ADAMTS12: variants seen among roughly 807,000 people sequenced by gnomAD.
The protein encoded by ADAMTS12 is A disintegrin and metalloproteinase with thrombospondin motifs 12.
ADAMTS12 carries 118 observed loss-of-function variants against 167.8 expected under a neutral mutation model. That is an observed-to-expected ratio of 0.70 (90% CI 0.61 to 0.82). ADAMTS12 has a LOEUF of 0.82. Ranked by LOEUF, ADAMTS12 falls within the 40% of genes least tolerant of loss-of-function variation. The pLI is 0.00. For synonymous variants in ADAMTS12, 704 were observed against 716.9 expected (o/e 0.98, Z 0.29); for missense variants, 1,916 against 1,998.8 (o/e 0.96, Z 0.79).
At chr5:33,612,992 T>G (rs1372098172) in intron 16 of ADAMTS12, among the ~76,000 whole-genome samples, 4 of 152,226 alleles carry the variant, frequency 2.6e-5, no homozygotes, top group African/African-American at 9.7e-5. Flanking sequence ...AAAAATTGTT[T>G]ATAAGGTTGA....
At chr5:33,823,144 C>G (rs1026206425) in intron 2 of ADAMTS12, among the ~76,000 whole-genome samples, 1 of 151,716 alleles carries the variant, frequency 6.6e-6, no homozygotes, top group Admixed American at 6.6e-5. Flanking sequence ...AATACAAAGC[C>G]CTCCTTTGGA....
At chr5:33,890,558 G>A (rs1561332186) in intron 1 of ADAMTS12, among the ~76,000 whole-genome samples, 1 of 152,140 alleles carries the variant, frequency 6.6e-6, no homozygotes, top group African/African-American at 2.4e-5. Context: ...AGGACAGGCT[G>A]GTGATGTTTA....
intron 2 of ADAMTS12, among the ~76,000 whole-genome samples, chr5:33,806,576 T>TC (rs1747237930): frequency 6.6e-6 from 1 of 150,470 alleles, no homozygotes; most frequent in African/African-American, 2.5e-5. Flanking sequence ...ATGCTGACAC[T>TC]CCCCTTCTCC....
chr5:33,839,781 C>T (rs927787274), intron 2 of ADAMTS12, among the ~76,000 whole-genome samples: 1 of 152,188 alleles, frequency 6.6e-6, no homozygotes, highest in Non-Finnish European at 1.5e-5. Flanking sequence ...GCAAGCAATA[C>T]AAACATTAGC....
chr5:33,599,131 A>G (rs1015819426), intron 16 of ADAMTS12, among the ~76,000 whole-genome samples: 15 of 152,224 alleles, frequency 9.9e-5, no homozygotes, highest in African/African-American at 3.1e-4. Flanking sequence ...CCAAAGTGCC[A>G]AACACAGTGG....
In ADAMTS12 at chr5:33,524,875, G is replaced by A. The variant is rs1221952852; in HGVS notation, c.*2313C>T. ...GAAAAAGACCTAGAATGGAGCACCT[G>A]GCCAAACTCTCTCCACATGTCTACC... On this transcript the variant is annotated 3_prime_UTR_variant, in exon 24 of 24. Coordinates refer to ENST00000504830, the MANE Select transcript of ADAMTS12 (RefSeq NM_030955.4). The A allele has an allele frequency of 2.6e-5, 4 of 152,174 alleles. No homozygotes were observed. Among genetic ancestry groups the A allele is most frequent in the Admixed American group, 2.6e-4 (4 of 15,278 alleles). The allele number at this position is 152,174 out of a possible 1,614,324, so 9.4% of individuals were successfully genotyped here.
At chr5:33,629,690 G>T (rs568085135) in intron 13 of ADAMTS12, among the ~76,000 whole-genome samples, 1 of 152,236 alleles carries the variant, frequency 6.6e-6, no homozygotes, top group East Asian at 1.9e-4. Flanking sequence ...CCTTGGATTG[G>T]CGTCACCCTT....
intron 5 of ADAMTS12, among the ~76,000 whole-genome samples, chr5:33,673,427 G>A (rs1402582003): frequency 6.6e-6 from 1 of 152,010 alleles, no homozygotes; most frequent in African/African-American, 2.4e-5. Context: ...TGCCTTCTGT[G>A]GTTGCAGGAA....
chr5:33,678,785 T>C (rs1466328762), intron 5 of ADAMTS12, among the ~76,000 whole-genome samples: 1 of 152,158 alleles, frequency 6.6e-6, no homozygotes, highest in Non-Finnish European at 1.5e-5. Flanking sequence ...CAGAGTACCA[T>C]TTTCAGATTA....
intron 3 of ADAMTS12, among the ~76,000 whole-genome samples, chr5:33,731,744 A>G (rs1009901298): frequency 9.2e-5 from 14 of 152,212 alleles, no homozygotes; most frequent in African/African-American, 3.1e-4. Flanking sequence ...GAGGCTGTCC[A>G]CTAGAGAGAT....
chr5:33,558,036 C>G (rs887964458), intron 20 of ADAMTS12, among the ~76,000 whole-genome samples: 82 of 151,792 alleles, frequency 5.4e-4, no homozygotes, highest in African/African-American at 2.0e-3. Flanking sequence ...GCTCAGGGCT[C>G]CCACTGATTC....
chr5:33,570,264 T>C (rs375522757), intron 19 of ADAMTS12, among the ~76,000 whole-genome samples: 1 of 152,050 alleles, frequency 6.6e-6, no homozygotes, highest in African/African-American at 2.4e-5. Context: ...AGATACTCCT[T>C]GAGAAGAGCA....
chr5:33,796,379 C>A (rs1442583796), intron 2 of ADAMTS12, among the ~76,000 whole-genome samples: 1 of 152,228 alleles, frequency 6.6e-6, no homozygotes, highest in South Asian at 2.1e-4. Flanking sequence ...AATTACAGAA[C>A]ACAGTATGAC....
At chr5:33,646,202 C>A (rs1437827612) in intron 9 of ADAMTS12, among the ~76,000 whole-genome samples, 2 of 152,134 alleles carry the variant, frequency 1.3e-5, no homozygotes, top group Admixed American at 6.6e-5. Context: ...AAACGCTTAC[C>A]TCTATAAATC....
intron 18 of ADAMTS12, among the ~76,000 whole-genome samples, chr5:33,581,862 C>T (rs1747081178): frequency 6.6e-6 from 1 of 152,110 alleles, no homozygotes; most frequent in Non-Finnish European, 1.5e-5. Flanking sequence ...ACACAGAGAT[C>T]ACAGGCAGGT....
rs1490147017 is a variant in ADAMTS12 at position 33,696,892 on chromosome 5, A to G, written c.635-12837T>C. On this transcript the variant is annotated intron_variant, in intron 3 of 23. Coordinates refer to ENST00000504830, the MANE Select transcript of ADAMTS12 (RefSeq NM_030955.4). ...CCTAGGCAGTTCTTTTCGGCTTAAT[A>G]TGGTCAATGTGAAATGCTGTTCTCC... 5.3e-5 allele frequency among the ~76,000 whole-genome samples: 8 copies of G among 152,290 alleles called. No homozygotes were observed. In the East Asian group the frequency reaches 1.5e-3, roughly 29 times the overall value.
intron 2 of ADAMTS12, among the ~76,000 whole-genome samples, chr5:33,869,032 T>C (rs75517473): frequency 0.021 from 3,241 of 152,268 alleles, 113 homozygotes; most frequent in African/African-American, 0.074. Context: ...TGAATGTTAA[T>C]AGTCAAGACA....
intron 16 of ADAMTS12, among the ~76,000 whole-genome samples, chr5:33,611,148 A>C (rs61633180): frequency 0.021 from 3,234 of 152,322 alleles, 44 homozygotes; most frequent in African/African-American, 0.049. Flanking sequence ...TGCATATGAT[A>C]CTATTTGCAG....
intron 15 of ADAMTS12, among the ~76,000 whole-genome samples, chr5:33,615,505 T>C (rs1296401891): frequency 1.3e-5 from 2 of 152,144 alleles, no homozygotes; most frequent in Non-Finnish European, 2.9e-5. Context: ...TTATCCCCAC[T>C]GTTGGAAAGC....
Sources: gnomAD v4.1 joint callset for allele counts (sites outside exome capture counted in the v4.1 genomes callset) on GRCh38, gnomAD v4.1.1 for gene constraint, MANE v1.5 for transcripts, NCBI Gene and HGNC (gene_info 2026-07-23, HGNC 2026-07-21) for gene names.